The following SLC25A40 variants were observed in gnomAD, a reference collection of about 807,000 sequenced individuals.
The protein encoded by SLC25A40 is solute carrier family 25 member 40.
A neutral mutation model predicts 46.5 loss-of-function variants in SLC25A40; 41 were observed. That is an observed-to-expected ratio of 0.88 (90% confidence interval 0.69 to 1.14). The LOEUF (loss-of-function observed/expected upper bound fraction) is 1.14. Ranked by LOEUF, SLC25A40 falls within the 50% of genes most tolerant of loss-of-function variation. The pLI is 0.00. For synonymous variants in SLC25A40, 126 were observed against 127.5 expected (o/e 0.99, Z 0.08); for missense variants, 386 against 393.6 (o/e 0.98, Z 0.16).
chr7:87,862,161 CT>C (rs1261115239), intron 1 of SLC25A40, among the ~76,000 whole-genome samples: 1 of 152,122 alleles, frequency 6.6e-6, no homozygotes, highest in East Asian at 1.9e-4. Flanking sequence ...ACCTACTTAT[CT>C]TTTTTCTGTC....
At chr7:87,859,559 T>C (rs1330479847) in intron 2 of SLC25A40, among the ~76,000 whole-genome samples, 1 of 152,096 alleles carries the variant, frequency 6.6e-6, no homozygotes, top group Admixed American at 6.5e-5. Flanking sequence ...TAACCAAATA[T>C]TGTATATTAA....
At chr7:87,860,254 A>G (rs1838677226) in intron 2 of SLC25A40, 2 of 152,146 alleles carry the variant, frequency 1.3e-5, no homozygotes, top group Non-Finnish European at 2.9e-5. Context: ...TGCTTTCCAG[A>G]AAGCTTGGAT....
chr7:87,838,803 A>G (rs928736912), intron 10 of SLC25A40, among the ~76,000 whole-genome samples: 3 of 151,638 alleles, frequency 2.0e-5, no homozygotes, highest in Admixed American at 2.0e-4. Flanking sequence ...TAAACTTTAT[A>G]TAAATGATAT....
intron 10 of SLC25A40, 187 bp from the exon 11 acceptor site, chr7:87,836,997 A>G (rs1838266707): frequency 5.9e-6 from 2 of 341,500 alleles, no homozygotes; most frequent in African/African-American, 4.3e-5. Flanking sequence ...TAATAAACAG[A>G]AAAAGGCTGT....
chr7:87,860,234 A>G (rs188645646), intron 2 of SLC25A40: 36 of 152,116 alleles, frequency 2.4e-4, no homozygotes, highest in African/African-American at 7.0e-4. Flanking sequence ...CGTCATACAA[A>G]TTGCCATGAT....
At chr7:87,859,815 T>C (rs927694312) in intron 2 of SLC25A40, among the ~76,000 whole-genome samples, 3 of 152,164 alleles carry the variant, frequency 2.0e-5, no homozygotes, top group Non-Finnish European at 4.4e-5. Context: ...TGCTATAACA[T>C]TCTTATACAT....
Position 87,841,718 on chromosome 7 carries a change from T to A in SLC25A40, c.742-4A>T, listed in dbSNP as rs960617014. 4.0e-6 allele frequency: 6 copies of A among 1,490,414 alleles called. No individual in the cohort carries two copies. The Admixed American group carries it at 1.0e-4, about 26-fold the overall frequency. The allele number at this position is 1,490,414 out of a possible 1,614,324, so 92.3% of individuals were successfully genotyped here. A position where few individuals can be genotyped will look rare whatever the true frequency, so the allele number is the denominator to read the frequency against. On this transcript the variant is annotated splice_region_variant and splice_polypyrimidine_tract_variant and intron_variant, in intron 9 of 11. Transcript: ENST00000341119. ...GTAAAGTTGCAACAGCAGCAAACTA[T>A]CAGAAAGTAAAATTGATTAATTTCA...
chr7:87,848,528 A>C (rs1283910014), intron 6 of SLC25A40, among the ~76,000 whole-genome samples: 1 of 152,228 alleles, frequency 6.6e-6, no homozygotes, highest in Non-Finnish European at 1.5e-5. Context: ...CCATAACATC[A>C]GAATCAGCGA....
At chr7:87,860,433 C>G (rs1838679545) in intron 2 of SLC25A40, 139 bp downstream of exon 2, 1 of 152,122 alleles carries the variant, frequency 6.6e-6, no homozygotes, top group Non-Finnish European at 1.5e-5. Context: ...AATCACAATA[C>G]AATTATCAAA....
Position 87,836,742 on chromosome 7 carries a change from C to T in SLC25A40, c.892G>A (p.Gly298Arg), listed in dbSNP as rs943387265. 20 of 1,538,194 alleles carry T rather than the reference C, an allele frequency of 1.3e-5. No homozygotes were observed. The highest frequency in any genetic ancestry group is 3.8e-5 in the South Asian group (3 of 79,698). ...KNIVAKNGFS[G>R]LFSGLIPRLI... is the part of the protein sequence containing the mutation. ...CAAGTATTTTTACCTGAAAATAATC[C>T]GGAAAATCCATTTTTAGCAACAATG... is the stretch of plus-strand genomic sequence containing the variant. Residue 298 changes from glycine to arginine, a missense_variant, in exon 11 of 12, where the codon GGA becomes AGA. By Grantham distance (125) the Gly-to-Arg change is moderately radical. Transcript: ENST00000341119.
intron 5 of SLC25A40, among the ~76,000 whole-genome samples, chr7:87,851,586 T>C (rs1454998740): frequency 3.3e-5 from 5 of 152,170 alleles, no homozygotes; most frequent in Non-Finnish European, 7.3e-5. Flanking sequence ...GGAGGAATAG[T>C]GGAGAGTCAC....
In SLC25A40 at chr7:87,872,441, G is replaced by A. The variant is rs186121657; in HGVS notation, c.-94+3655C>T. Among the ~76,000 whole-genome samples the A allele has an allele frequency of 1.2e-3, 179 of 152,244 alleles. 2 individuals carry two copies. Among genetic ancestry groups the A allele is most frequent in the African/African-American group, 4.2e-3 (174 of 41,558 alleles). ...AAAAAACAATAAAAGCTGGTCCCTT[G>A]AGGCAAAAGAATAAAAAATAAATAA... On this transcript the variant is annotated intron_variant, in intron 1 of 11. Coordinates refer to ENST00000341119, the MANE Select transcript of SLC25A40 (RefSeq NM_018843.4).
intron 1 of SLC25A40, among the ~76,000 whole-genome samples, chr7:87,870,359 G>A (rs1002056782): frequency 2.0e-5 from 3 of 151,912 alleles, no homozygotes; most frequent in Admixed American, 1.3e-4. Context: ...ATGATAAAAC[G>A]TCACTTTCAA....
rs555548482 is a variant in SLC25A40, at chr7:87,863,784, C to T, written c.-93-3144G>A. On this transcript the variant is annotated intron_variant, in intron 1 of 11. Coordinates refer to ENST00000341119, the MANE Select transcript of SLC25A40 (RefSeq NM_018843.4). ...CAGATTATTAAGTATGCTTACTCAA[C>T]GATCAAACACTAGGTCTTATTTCTT... Among the ~76,000 whole-genome samples, 28 of 152,178 alleles carry T rather than the reference C, an allele frequency of 1.8e-4. 1 individual carries two copies. Among genetic ancestry groups the T allele is most frequent in the South Asian group, 1.5e-3 (7 of 4,810 alleles).
chr7:87,854,098 G>A (rs905304146), intron 5 of SLC25A40, 106 bp downstream of exon 5: 3 of 757,994 alleles, frequency 4.0e-6, no homozygotes, highest in Non-Finnish European at 6.5e-6. Flanking sequence ...GTAGTTCCCT[G>A]TTCTCAGTTT....
intron 9 of SLC25A40, 135 bp downstream of exon 9, chr7:87,843,619 G>A: frequency 7.0e-6 from 4 of 573,552 alleles, no homozygotes; most frequent in Non-Finnish European, 1.2e-5. Flanking sequence ...CCTTAAAATA[G>A]ATGGAAAATA....
chr7:87,853,827 G>GA (rs981017631), intron 5 of SLC25A40, among the ~76,000 whole-genome samples: 9 of 151,614 alleles, frequency 5.9e-5, no homozygotes, highest in African/African-American at 2.2e-4. Context: ...AAAGGAAACA[G>GA]AAAGAATCCT....
At chr7:87,869,910 C>G (rs2131024055) in intron 1 of SLC25A40, among the ~76,000 whole-genome samples, 1 of 152,264 alleles carries the variant, frequency 6.6e-6, no homozygotes, top group South Asian at 2.1e-4. Context: ...ATTTTACACA[C>G]CCACCAGCAC....
intron 1 of SLC25A40, among the ~76,000 whole-genome samples, chr7:87,873,008 T>C (rs951350484): frequency 6.6e-6 from 1 of 152,220 alleles, no homozygotes; most frequent in Non-Finnish European, 1.5e-5. Flanking sequence ...TAACCTTACA[T>C]ATAACCTTAA....
Sources: gnomAD v4.1 joint callset for allele counts (sites outside exome capture counted in the v4.1 genomes callset) on GRCh38, gnomAD v4.1.1 for gene constraint, MANE v1.5 for transcripts, NCBI Gene and HGNC (gene_info 2026-07-23, HGNC 2026-07-21) for gene names.